Variants in CCSER2 observed in about 807,000 individuals in gnomAD.
CCSER2 encodes coiled-coil serine rich protein 2.
Under a neutral mutation model 92.3 loss-of-function variants are expected in CCSER2, and 46 were observed. The observed-to-expected ratio is 0.50, with a 90% CI of 0.39 to 0.64. The LOEUF (loss-of-function observed/expected upper bound fraction) is 0.64. Ranked by LOEUF, CCSER2 falls within the 30% of genes least tolerant of loss-of-function variation. CCSER2 has a pLI of 0.00. For missense variants in CCSER2, 1,244 were observed against 1,238.9 expected, an observed-to-expected ratio of 1.00 and a Z score of -0.06; for synonymous variants, 433 against 431.4, an observed-to-expected ratio of 1.00 and a Z score of -0.04.
chr10:84,406,220 A>G (rs563051411), intron 3 of CCSER2, among the ~76,000 whole-genome samples: 7 of 152,310 alleles, frequency 4.6e-5, no homozygotes, highest in African/African-American at 1.2e-4. Context: ...AGACAAAACT[A>G]TGGTGATGGA....
At chr10:84,341,378 T>G (rs867180598) in intron 1 of CCSER2, among the ~76,000 whole-genome samples, 23 of 133,826 alleles carry the variant, frequency 1.7e-4, no homozygotes, top group Middle Eastern at 7.4e-3. Context: ...AGAGGCGGAG[T>G]TTTGCTATCT....
intron 3 of CCSER2, among the ~76,000 whole-genome samples, chr10:84,383,047 A>G (rs1328739551): frequency 6.6e-6 from 1 of 152,230 alleles, no homozygotes; most frequent in Non-Finnish European, 1.5e-5. Flanking sequence ...GCTGAATGTC[A>G]TAATATTCTT....
At chr10:84,425,439 G>A (rs1165864364) in intron 4 of CCSER2, among the ~76,000 whole-genome samples, 1 of 152,160 alleles carries the variant, frequency 6.6e-6, no homozygotes, top group Non-Finnish European at 1.5e-5. Flanking sequence ...AATGTATAAT[G>A]TTGATTTCAA....
At chr10:84,440,203 C>T (rs1035793824) in intron 6 of CCSER2, among the ~76,000 whole-genome samples, 1 of 152,106 alleles carries the variant, frequency 6.6e-6, no homozygotes, top group Non-Finnish European at 1.5e-5. Context: ...TTGTAAATCT[C>T]TTAATGGTTC....
intron 3 of CCSER2, among the ~76,000 whole-genome samples, chr10:84,415,276 A>G (rs992366335): frequency 6.6e-6 from 1 of 152,124 alleles, no homozygotes; most frequent in African/African-American, 2.4e-5. Context: ...TCTCATATTT[A>G]TGGGCTTATC....
At chr10:84,423,973 C>T (rs1466540913) in intron 4 of CCSER2, among the ~76,000 whole-genome samples, 2 of 143,302 alleles carry the variant, frequency 1.4e-5, no homozygotes, top group African/African-American at 2.7e-5. Context: ...ATAGCAAGTC[C>T]CCATCTCTTA....
chr10:84,475,028 T>A (rs998020924), intron 8 of CCSER2, among the ~76,000 whole-genome samples: 1 of 152,220 alleles, frequency 6.6e-6, no homozygotes, highest in Non-Finnish European at 1.5e-5. Context: ...ACAAGATGTC[T>A]GTTGCTCTGT....
At chr10:84,441,612 G>T (rs952408773) in intron 6 of CCSER2, among the ~76,000 whole-genome samples, 11 of 152,082 alleles carry the variant, frequency 7.2e-5, no homozygotes, top group African/African-American at 2.7e-4. Context: ...TTATGGCATT[G>T]TGTGGATATC....
intron 6 of CCSER2, chr10:84,455,666 T>C (rs1845574002): frequency 1.3e-5 from 9 of 701,026 alleles, no homozygotes; most frequent in Non-Finnish European, 2.4e-5. Flanking sequence ...CAGGAGATTG[T>C]TCACAGTCAT....
chr10:84,457,109 A>G (rs1035731358), intron 6 of CCSER2, among the ~76,000 whole-genome samples: 1 of 146,976 alleles, frequency 6.8e-6, no homozygotes, highest in African/African-American at 2.5e-5. Context: ...TTTTAAAATT[A>G]GCTGACACTT....
intron 9 of CCSER2, chr10:84,499,755 G>A: frequency 1.2e-6 from 1 of 831,394 alleles, no homozygotes; most frequent in Non-Finnish European, 1.8e-6. Flanking sequence ...AATGAAATCT[G>A]TCTTCTCGTT....
At chr10:84,330,447 C>G (rs148759766) in intron 1 of CCSER2, among the ~76,000 whole-genome samples, 3 of 152,310 alleles carry the variant, frequency 2.0e-5, no homozygotes, top group East Asian at 3.9e-4. Flanking sequence ...CGTACACTCT[C>G]CAGTTAGTAT....
At chr10:84,361,675 C>G (rs1401893653) in intron 1 of CCSER2, among the ~76,000 whole-genome samples, 2 of 151,084 alleles carry the variant, frequency 1.3e-5, no homozygotes, top group East Asian at 1.9e-4. Context: ...GAGTTTCGCT[C>G]TTGTTGTCCA....
intron 6 of CCSER2, among the ~76,000 whole-genome samples, chr10:84,444,878 A>G (rs1034924576): frequency 1.3e-5 from 2 of 152,126 alleles, no homozygotes; most frequent in Non-Finnish European, 2.9e-5. Context: ...ACCTCATTCT[A>G]CTCATCACAA....
chr10:84,499,448 T>C (rs576560738), intron 9 of CCSER2, among the ~76,000 whole-genome samples: 8 of 152,192 alleles, frequency 5.3e-5, no homozygotes, highest in African/African-American at 1.9e-4. Flanking sequence ...ATAAAAATTT[T>C]TAGATGATAA....
At chr10:84,468,902 T>C (rs1846614983) in intron 7 of CCSER2, among the ~76,000 whole-genome samples, 2 of 152,174 alleles carry the variant, frequency 1.3e-5, no homozygotes, top group African/African-American at 4.8e-5. Flanking sequence ...TGGTGTGCCA[T>C]TTTTTCCTGC....
At chr10:84,391,442 C>G in intron 3 of CCSER2, 1 of 1,558,218 alleles carries the variant, frequency 6.4e-7, no homozygotes, top group Non-Finnish European at 8.8e-7. Context: ...TTATTTTGCC[C>G]TGTTAGGTGA....
intron 9 of CCSER2, among the ~76,000 whole-genome samples, chr10:84,481,674 TTAAGTA>T (rs1847465658): frequency 6.6e-6 from 1 of 152,150 alleles, no homozygotes. Flanking sequence ...CAGGATGTTT[TTAAGTA>T]TAAGTTTTTA....
chr10:84,352,395 A>T (rs1844914356), intron 1 of CCSER2, among the ~76,000 whole-genome samples: 1 of 152,118 alleles, frequency 6.6e-6, no homozygotes, highest in African/African-American at 2.4e-5. Context: ...AGGTGTGGGA[A>T]CAGGGCCACA....
Sources: gnomAD v4.1 joint callset for allele counts (sites outside exome capture counted in the v4.1 genomes callset) on GRCh38, gnomAD v4.1.1 for gene constraint, MANE v1.5 for transcripts, NCBI Gene and HGNC (gene_info 2026-07-23, HGNC 2026-07-21) for gene names.